IGSF11: variants seen among roughly 807,000 people sequenced by gnomAD.
IGSF11 encodes CXADR like 1.
IGSF11 carries 22 observed loss-of-function variants against 41.0 expected under a neutral mutation model. The ratio of observed to expected loss-of-function variants is 0.54; its 90% CI spans 0.38 to 0.77. IGSF11 has a LOEUF of 0.77. Ranked by LOEUF, IGSF11 falls within the 30% of genes least tolerant of loss-of-function variation. The probability of loss-of-function intolerance (pLI) is 0.00; values close to 1 mark genes in which losing one functional copy is unlikely to be tolerated. For synonymous variants in IGSF11, 219 were observed against 201.3 expected, an observed-to-expected ratio of 1.09 and a Z score of -0.74; for missense variants, 444 against 530.8, an observed-to-expected ratio of 0.84 and a Z score of 1.61.
intron 4 of IGSF11, among the ~76,000 whole-genome samples, chr3:118,907,632 C>CA (rs760411272): frequency 1.1e-4 from 17 of 152,210 alleles, no homozygotes; most frequent in Non-Finnish European, 1.6e-4. Context: ...TTGTGTACCA[C>CA]ATACACTGCA....
chr3:119,097,616 A>C (rs930859799), intron 1 of IGSF11, among the ~76,000 whole-genome samples: 2 of 152,140 alleles, frequency 1.3e-5, no homozygotes, highest in Non-Finnish European at 1.5e-5. Flanking sequence ...TTTGGCCTCT[A>C]TCAGAGGGTG....
intron 1 of IGSF11, among the ~76,000 whole-genome samples, chr3:119,024,901 T>C (rs184808210): frequency 5.9e-5 from 9 of 152,302 alleles, no homozygotes; most frequent in Admixed American, 4.6e-4. Flanking sequence ...TACAGCCTGC[T>C]TTGAACTGAC....
At chr3:118,981,231 G>A (rs748616308) in intron 1 of IGSF11, among the ~76,000 whole-genome samples, 11 of 152,066 alleles carry the variant, frequency 7.2e-5, no homozygotes, top group South Asian at 2.1e-4. Flanking sequence ...GTGCAGTGGC[G>A]TGATCTCAGT....
chr3:119,039,164 C>T (rs537175626), upstream of IGSF11, among the ~76,000 whole-genome samples: 1 of 152,160 alleles, frequency 6.6e-6, no homozygotes, highest in Non-Finnish European at 1.5e-5. Flanking sequence ...GCTGCTATAA[C>T]AAATTACGAC....
chr3:119,017,307 A>T (rs1938814388), intron 1 of IGSF11, among the ~76,000 whole-genome samples: 1 of 151,934 alleles, frequency 6.6e-6, no homozygotes, highest in South Asian at 2.1e-4. Context: ...TCTGAACTAT[A>T]TGGTGGAGCA....
chr3:118,967,452 T>C (rs9861978), intron 1 of IGSF11, among the ~76,000 whole-genome samples: 62,328 of 152,000 alleles, frequency 0.41, 16,278 homozygotes, highest in African/African-American at 0.73. Context: ...ATTTGCCAAT[T>C]GAGAGCCCAA....
rs1367910974 is a variant in IGSF11, at chr3:119,125,921, G to A, written c.-14+19892C>T. On this transcript the variant is annotated intron_variant, in intron 1 of 7. Transcript: ENST00000425327. ...CCACAGATCAGAAGACCCCGCTCGC[G>A]AACCCATGCCACCGGGGCCTAGCAT... 2.0e-5 allele frequency among the ~76,000 whole-genome samples: 3 copies of A among 152,332 alleles called. No individual in the cohort carries two copies. The East Asian group carries it at 5.8e-4, about 29-fold the overall frequency.
At position 118,937,485 on chromosome 3, in the gene IGSF11, C is replaced by A. The variant is rs190885618; in HGVS notation, c.53-7210G>T. Among the ~76,000 whole-genome samples the A allele has an allele frequency of 1.8e-3, 276 of 152,108 alleles. 7 individuals carry two copies. The highest frequency in any genetic ancestry group is 0.018 in the Admixed American group (274 of 15,282). On this transcript the variant is annotated intron_variant, in intron 1 of 6. Coordinates refer to ENST00000393775, the MANE Select transcript of IGSF11 (RefSeq NM_001015887.3). The stretch of plus-strand genomic sequence containing the variant: ...TCTACCTTTATACTTACCATATAAT[C>A]TTTTTACAAACTGCCATCTCAACTA...
chr3:119,092,633 T>TAG (rs2076782887), intron 1 of IGSF11, among the ~76,000 whole-genome samples: 2 of 152,208 alleles, frequency 1.3e-5, no homozygotes, highest in Non-Finnish European at 2.9e-5. Context: ...CCCAGCCGTG[T>TAG]ACAGTGTTTC....
At chr3:118,929,006 C>T (rs1325836673) in intron 2 of IGSF11, among the ~76,000 whole-genome samples, 4 of 152,094 alleles carry the variant, frequency 2.6e-5, no homozygotes, top group Non-Finnish European at 5.9e-5. Context: ...AATATTCTTA[C>T]CAGTTCAAAA....
chr3:119,109,848 C>G (rs2077113865), upstream of IGSF11, among the ~76,000 whole-genome samples: 1 of 152,062 alleles, frequency 6.6e-6, no homozygotes, highest in Non-Finnish European at 1.5e-5. Flanking sequence ...TCGTTATGTA[C>G]CCAGTAGTCA....
intron 1 of IGSF11, among the ~76,000 whole-genome samples, chr3:119,126,211 G>A (rs916450482): frequency 1.3e-5 from 2 of 152,354 alleles, no homozygotes; most frequent in East Asian, 1.9e-4. Context: ...GGACGGCTTG[G>A]TCCCAATACT....
chr3:118,996,117 G>A (rs758873208), intron 1 of IGSF11, among the ~76,000 whole-genome samples: 2 of 152,186 alleles, frequency 1.3e-5, no homozygotes, highest in African/African-American at 2.4e-5. Context: ...GAAGGGAAAT[G>A]ACTCGGTTGA....
At chr3:118,959,307 T>C (rs551262290) in intron 1 of IGSF11, among the ~76,000 whole-genome samples, 3 of 152,122 alleles carry the variant, frequency 2.0e-5, no homozygotes, top group East Asian at 3.9e-4. Flanking sequence ...TGCTACTGGA[T>C]GTCAGAAAAG....
chr3:119,092,000 G>T (rs556748030), intron 1 of IGSF11, among the ~76,000 whole-genome samples: 4,507 of 147,200 alleles, frequency 0.031, 273 homozygotes, highest in African/African-American at 0.11. Context: ...TTTTGGGGGG[G>T]GGGGGTTGGT....
intron 1 of IGSF11, among the ~76,000 whole-genome samples, chr3:119,012,119 G>A (rs922357840): frequency 2.0e-5 from 3 of 152,088 alleles, no homozygotes; most frequent in South Asian, 2.1e-4. Flanking sequence ...CCATTCCCAG[G>A]AAGCATAAGA....
At chr3:119,129,981 T>C (rs1576833454) in intron 1 of IGSF11, among the ~76,000 whole-genome samples, 1 of 151,992 alleles carries the variant, frequency 6.6e-6, no homozygotes. Flanking sequence ...CAAGACTCTG[T>C]CTTAAAAAAA....
At chr3:119,115,378 G>A (rs1384695921) in intron 1 of IGSF11, among the ~76,000 whole-genome samples, 1 of 152,088 alleles carries the variant, frequency 6.6e-6, no homozygotes, top group Non-Finnish European at 1.5e-5. Context: ...AGGGTACAAG[G>A]GTTCCCTTTT....
chr3:119,005,176 G>A (rs1178134059), intron 1 of IGSF11, among the ~76,000 whole-genome samples: 3 of 145,276 alleles, frequency 2.1e-5, no homozygotes, highest in Non-Finnish European at 4.5e-5. Context: ...GTTTAGGATA[G>A]TTAGCTCCTC....
Sources: gnomAD v4.1 joint callset for allele counts (sites outside exome capture counted in the v4.1 genomes callset) on GRCh38, gnomAD v4.1.1 for gene constraint, MANE v1.5 for transcripts, NCBI Gene and HGNC (gene_info 2026-07-23, HGNC 2026-07-21) for gene names.